ATAD3C: variants seen among roughly 807,000 people sequenced by gnomAD.
The protein encoded by ATAD3C is ATPase family AAA domain containing 3C.
A neutral mutation model predicts 46.3 loss-of-function variants in ATAD3C; 38 were observed. That is an observed-to-expected ratio of 0.82 (90% CI 0.63 to 1.08). The LOEUF (loss-of-function observed/expected upper bound fraction) is 1.08, where lower values mean the gene tolerates loss of function less well. Ranked by LOEUF, ATAD3C falls within the 50% of genes least tolerant of loss-of-function variation. The pLI is 0.00. For missense variants in ATAD3C, 563 were observed against 572.7 expected (o/e 0.98, Z 0.17); for synonymous variants, 220 against 236.4 (o/e 0.93, Z 0.63).
chr1:1,460,650 C>A (rs111407646), intron 9 of ATAD3C, 100 bp from the exon 10 acceptor site: 1 of 1,422,472 alleles, frequency 7.0e-7, no homozygotes, highest in Non-Finnish European at 9.2e-7. Context: ...ACTTTAGATT[C>A]TCCCAGAAAG....
intron 11 of ATAD3C, among the ~76,000 whole-genome samples, chr1:1,465,938 T>C (rs1639136014): frequency 6.6e-6 from 1 of 151,904 alleles, no homozygotes; most frequent in Non-Finnish European, 1.5e-5. Flanking sequence ...GCTTGTGATA[T>C]ATGGTCTTCA....
Position 1,468,674 on chromosome 1 carries a change from G to A in ATAD3C, c.*144G>A, listed in dbSNP as rs753299357. 3 of 1,505,394 alleles carry A rather than the reference G, an allele frequency of 2.0e-6. No individual in the cohort carries two copies. The highest frequency in any genetic ancestry group is 4.2e-5 in the Admixed American group (2 of 47,690). The allele number at this position is 1,505,394 out of a possible 1,614,324, so 93.3% of individuals were successfully genotyped here. ...CTGTGTCTATTGGCTGACACGGGGC[G>A]GGGTTTGGGGCCCCCTAACGTCCCC... On this transcript the variant is annotated 3_prime_UTR_variant, in exon 12 of 12. Transcript: ENST00000378785.
intron 9 of ATAD3C, among the ~76,000 whole-genome samples, chr1:1,460,223 C>T (rs1050111857): frequency 1.3e-5 from 2 of 151,960 alleles, no homozygotes; most frequent in African/African-American, 2.4e-5. Flanking sequence ...CAGGCGTGCG[C>T]CACCACACCC....
rs1638977355 is a variant in ATAD3C, at chr1:1,457,190, A to G, written c.741+10A>G. On this transcript the variant is annotated intron_variant, in intron 8 of 11. Coordinates refer to ENST00000378785, the MANE Select transcript of ATAD3C (RefSeq NM_001039211.3). ...TCGGAAGCGAGCCACTGTGAGTGTCACTAAGCCTCTGTCTGGCCACAGGAG... is the reference window on the plus strand; with the variant it reads ...TCGGAAGCGAGCCACTGTGAGTGTCGCTAAGCCTCTGTCTGGCCACAGGAG... The G allele has an allele frequency of 6.2e-7, 1 of 1,613,334 alleles. No individual in the cohort carries two copies. The highest frequency in any genetic ancestry group is 1.3e-5 in the African/African-American group (1 of 74,882).
Position 1,457,167 on chromosome 1 carries a change from G to A in ATAD3C, c.728G>A (p.Arg243Gln), listed in dbSNP as rs375870663. 627 of 1,613,228 alleles carry A rather than the reference G, an allele frequency of 3.9e-4. 11 individuals are homozygous for A. The highest frequency in any genetic ancestry group is 4.8e-4 in the Non-Finnish European group (565 of 1,179,652). Residue 243 changes from arginine (R) to glutamine (Q), a missense_variant, in exon 8 of 12, where the codon CGG (arginine) becomes CAG (glutamine). By Grantham distance (43) the Arg-to-Gln change is conservative (BLOSUM62 1). Coordinates refer to ENST00000378785, the MANE Select transcript of ATAD3C (RefSeq NM_001039211.3). ...LFVDEADAFL[R>Q]KRATEKISED... ...GTGGATGAAGCGGACGCCTTCCTTC[G>A]GAAGCGAGCCACTGTGAGTGTCACT...
At chr1:1,458,335 C>T (rs139009917) in intron 8 of ATAD3C, among the ~76,000 whole-genome samples, 1,704 of 150,986 alleles carry the variant, frequency 0.011, 40 homozygotes, top group Admixed American at 0.038. Context: ...AGTGCAATGG[C>T]GCGATCTTGG....
intron 11 of ATAD3C, among the ~76,000 whole-genome samples, chr1:1,465,704 T>C (rs1283151661): frequency 2.0e-5 from 3 of 151,916 alleles, no homozygotes; most frequent in Non-Finnish European, 4.4e-5. Context: ...GGTTGTTTTT[T>C]CCAATATGGA....
chr1:1,450,280 A>G lies in ATAD3C; in HGVS notation c.-404A>G, dbSNP rs1638832150. 1 of 185,048 alleles carries G rather than the reference A, an allele frequency of 5.4e-6. No individual in the cohort carries two copies. The highest frequency in any genetic ancestry group is 1.1e-5 in the Non-Finnish European group (1 of 87,774). 11.5% of individuals were successfully genotyped at this position (185,048 alleles called of 1,614,324 possible). On this transcript the variant is annotated 5_prime_UTR_variant, in exon 1 of 12. The change abolishes an upstream ATG in the 5' untranslated region. Transcript: ENST00000378785. ...GTAGAGCTTGCAGTAAGCAGAGATC[A>G]TGCCACTGCACTCCAGCCTGGGCCA...
chr1:1,450,547 T>C lies in ATAD3C; in HGVS notation c.-137T>C. 4 of 1,097,776 alleles carry C rather than the reference T, an allele frequency of 3.6e-6. No individual in the cohort carries two copies. The highest frequency in any genetic ancestry group is 5.3e-6 in the Non-Finnish European group (4 of 749,812). 68.0% of individuals were successfully genotyped at this position (1,097,776 alleles called of 1,614,324 possible). A position where few individuals can be genotyped will look rare whatever the true frequency, so the allele number is the denominator to read the frequency against. On this transcript the variant is annotated 5_prime_UTR_variant, in exon 1 of 12. The change abolishes an upstream ATG in the 5' untranslated region. Transcript: ENST00000378785. ...CGCCAGGTCTGACTAGGAAGGAGGA[T>C]GGGGAGGCAGGGCTGGGGGCTTTGA...
intron 11 of ATAD3C, among the ~76,000 whole-genome samples, chr1:1,468,116 G>A (rs144393316): frequency 0.015 from 2,307 of 152,136 alleles, 57 homozygotes; most frequent in African/African-American, 0.04. Flanking sequence ...TGGGTCGGCC[G>A]TCAGTGAGGC....
At chr1:1,464,377 A>G (rs1639115332) in intron 11 of ATAD3C, among the ~76,000 whole-genome samples, 1 of 151,868 alleles carries the variant, frequency 6.6e-6, no homozygotes, top group Non-Finnish European at 1.5e-5. Context: ...AGAGCAACTC[A>G]GCTCTCTCTG....
intron 11 of ATAD3C, among the ~76,000 whole-genome samples, chr1:1,465,657 G>A (rs1444515030): frequency 6.6e-6 from 1 of 150,378 alleles, no homozygotes; most frequent in Non-Finnish European, 1.5e-5. Context: ...TGTTTTTGCT[G>A]TTGATTTTGT....
intron 11 of ATAD3C, among the ~76,000 whole-genome samples, chr1:1,463,239 G>A (rs1317728858): frequency 6.6e-6 from 1 of 152,088 alleles, no homozygotes; most frequent in Non-Finnish European, 1.5e-5. Flanking sequence ...CCAAGGAGCT[G>A]GGACTCACAG....
At chr1:1,458,421 T>C (rs1196421616) in intron 8 of ATAD3C, among the ~76,000 whole-genome samples, 1 of 151,306 alleles carries the variant, frequency 6.6e-6, no homozygotes, top group Non-Finnish European at 1.5e-5. Flanking sequence ...ATTACAGTCA[T>C]GTACCACCAC....
intron 10 of ATAD3C, among the ~76,000 whole-genome samples, chr1:1,461,999 C>T (rs926631388): frequency 6.6e-5 from 10 of 152,088 alleles, no homozygotes; most frequent in African/African-American, 1.9e-4. Flanking sequence ...CTCGGGAACA[C>T]TCCAGATGAG....
At chr1:1,466,429 T>C (rs1261044541) in intron 11 of ATAD3C, among the ~76,000 whole-genome samples, 1 of 149,168 alleles carries the variant, frequency 6.7e-6, no homozygotes, top group Admixed American at 6.8e-5. Flanking sequence ...GGCGGGTGCC[T>C]GTAGTCCCAG....
In ATAD3C at chr1:1,454,404, C is replaced by T. The variant is rs553006133; in HGVS notation, c.282C>T (p.Val94=). The T allele has an allele frequency of 1.9e-4, 307 of 1,605,892 alleles. 8 individuals carry two copies. In the South Asian group the frequency reaches 3.3e-3, roughly 17 times the overall value. ...GVYSAKNATA[V]TGRYIEARLG... ...ACTCAGCCAAGAATGCGACAGCCGT[C>T]ACTGGCCGCTACATCGAGGCTCGGC... The change falls in exon 4 of 12, where the codon GTC becomes GTT. Residue 94 remains valine, a synonymous_variant. Coordinates refer to ENST00000378785, the MANE Select transcript of ATAD3C (RefSeq NM_001039211.3).
Position 1,455,520 on chromosome 1 carries a change from G to A in ATAD3C, c.438+1G>A, listed in dbSNP as rs753072775. On this transcript the variant is annotated splice_donor_variant, in intron 5 of 11. Transcript: ENST00000378785. LOFTEE classifies it high-confidence loss of function. ...CGTGCTGGAGGGTGTTGTGCTTAGT[G>A]TAAGTCGGTGTGCCTGGGACCGGGG... The A allele has an allele frequency of 1.2e-6, 2 of 1,612,378 alleles. No homozygotes were observed. Among genetic ancestry groups the A allele is most frequent in the African/African-American group, 2.7e-5 (2 of 74,846 alleles).
At position 1,452,319 on chromosome 1, in the gene ATAD3C, G is replaced by A. The variant is rs529649885; in HGVS notation, c.153-46G>A. 4.8e-5 allele frequency: 77 copies of A among 1,613,104 alleles called. 2 individuals carry two copies. Among genetic ancestry groups the A allele is most frequent in the South Asian group, 4.3e-4 (39 of 90,990 alleles). On this transcript the variant is annotated intron_variant, in intron 2 of 11. Coordinates refer to ENST00000378785, the MANE Select transcript of ATAD3C (RefSeq NM_001039211.3). Reference sequence around the variant, plus strand: ...CCTCAACCTGTTCTTGCTACGTGGCGTGGGTCTTTGTTTCCCTCCTGGTCA... The same window carrying A: ...CCTCAACCTGTTCTTGCTACGTGGCATGGGTCTTTGTTTCCCTCCTGGTCA...
Sources: gnomAD v4.1 joint callset for allele counts (sites outside exome capture counted in the v4.1 genomes callset) on GRCh38, gnomAD v4.1.1 for gene constraint, MANE v1.5 for transcripts, NCBI Gene and HGNC (gene_info 2026-07-23, HGNC 2026-07-21) for gene names.